FBXW12: variants seen among roughly 807,000 people sequenced by gnomAD.
FBXW12 encodes F-box/WD repeat-containing protein 12.
In FBXW12, 43 loss-of-function variants were observed where a neutral mutation model predicts 55.3. The ratio of observed to expected loss-of-function variants is 0.78; its 90% CI spans 0.61 to 1.00. The LOEUF is 1.00. Ranked by LOEUF, FBXW12 falls within the 50% of genes least tolerant of loss-of-function variation. The pLI is 0.00. For missense variants in FBXW12, 524 were observed against 560.5 expected, an observed-to-expected ratio of 0.93 and a Z score of 0.66; for synonymous variants, 184 against 203.8, an observed-to-expected ratio of 0.90 and a Z score of 0.83.
At chr3:48,393,425 T>C (rs987867800) in intron 10 of FBXW12, among the ~76,000 whole-genome samples, 10 of 152,118 alleles carry the variant, frequency 6.6e-5, no homozygotes, top group Non-Finnish European at 1.0e-4. Flanking sequence ...AAGGCAGGGA[T>C]GGTCAACAGG....
At chr3:48,384,126 G>C (rs1297704067) in intron 10 of FBXW12, among the ~76,000 whole-genome samples, 1 of 152,162 alleles carries the variant, frequency 6.6e-6, no homozygotes, top group Non-Finnish European at 1.5e-5. Flanking sequence ...TAGATGTAGA[G>C]ATTAATTAGG....
chr3:48,388,493 T>C (rs1045665507), intron 10 of FBXW12, among the ~76,000 whole-genome samples: 1 of 152,228 alleles, frequency 6.6e-6, no homozygotes, highest in Non-Finnish European at 1.5e-5. Flanking sequence ...CCTTTTGTTT[T>C]TGTGTAATGT....
At chr3:48,374,764 CTTTTTT>C (rs66751439) in intron 4 of FBXW12, among the ~76,000 whole-genome samples, 1 of 82,678 alleles carries the variant, frequency 1.2e-5, no homozygotes, top group Non-Finnish European at 2.2e-5. Context: ...CCTGATAACA[CTTTTTT>C]TTTTTTTTTT....
chr3:48,394,620 T>C lies in FBXW12; in HGVS notation c.1356T>C (p.Ser452=), dbSNP rs202086669. The C allele has an allele frequency of 2.5e-6, 4 of 1,606,494 alleles. No individual in the cohort carries two copies. Among genetic ancestry groups the C allele is most frequent in the Non-Finnish European group, 3.4e-6 (4 of 1,175,664 alleles). ...ASIVLRVRKV[S]DSSILVMYSL... is the part of the protein sequence containing the mutation. ...TAGTACTTAGGGTGAGGAAAGTAAG[T>C]GACTCCAGCATTCTGGTGATGTATT... Residue 452 remains serine (S), a synonymous_variant, in exon 11 of 11, where the codon AGT becomes AGC. Transcript: ENST00000296438.
Position 48,372,804 on chromosome 3 carries a change from A to G in FBXW12, c.37A>G (p.Ile13Val), listed in dbSNP as rs1230586423. 10 of 1,614,168 alleles carry G rather than the reference A, an allele frequency of 6.2e-6. No individual in the cohort carries two copies. Among genetic ancestry groups the G allele is most frequent in the Non-Finnish European group, 8.5e-6 (10 of 1,180,018 alleles). Residue 13 changes from isoleucine (I) to valine (V), a missense_variant, in exon 2 of 11, where the codon ATC becomes GTC. Ile to Val is a conservative substitution (Grantham distance 29). Transcript: ENST00000296438. Reference sequence around the variant, plus strand: ...ATTGCCTGACTTAGCTTTGAAGCGAATCTTCTCTTTCCTGGACCTGTTCGG... The same window carrying G: ...ATTGCCTGACTTAGCTTTGAAGCGAGTCTTCTCTTTCCTGGACCTGTTCGG... ...IRLPDLALKR[I>V]FSFLDLFGLL...
chr3:48,373,275 T>G, intron 2 of FBXW12, 33 bp from the exon 3 acceptor site: 4 of 1,614,128 alleles, frequency 2.5e-6, no homozygotes, highest in Non-Finnish European at 3.4e-6. Flanking sequence ...ATGTAACTGA[T>G]TGCCTGCTTG....
chr3:48,375,819 C>G (rs950230631), intron 5 of FBXW12, among the ~76,000 whole-genome samples: 1 of 151,794 alleles, frequency 6.6e-6, no homozygotes, highest in Admixed American at 6.6e-5. Flanking sequence ...GGACTACAGG[C>G]GCCCGCCACC....
chr3:48,378,696 C>T (rs2036721731), intron 6 of FBXW12, among the ~76,000 whole-genome samples, 170 bp downstream of exon 6: 1 of 149,164 alleles, frequency 6.7e-6, no homozygotes, highest in Non-Finnish European at 1.5e-5. Flanking sequence ...CTCACTGCAA[C>T]CTCTGCCTGC....
intron 10 of FBXW12, among the ~76,000 whole-genome samples, chr3:48,384,485 A>G (rs2036818033): frequency 6.6e-6 from 1 of 152,166 alleles, no homozygotes; most frequent in Admixed American, 6.5e-5. Flanking sequence ...GTCGTCTGTC[A>G]AACAGTTTTC....
chr3:48,385,735 G>A (rs2106646302), intron 10 of FBXW12, among the ~76,000 whole-genome samples: 1 of 152,164 alleles, frequency 6.6e-6, no homozygotes, highest in South Asian at 2.1e-4. Context: ...CTCTAATGAG[G>A]TGGTATCTCA....
chr3:48,373,170 C>T, intron 2 of FBXW12, 138 bp from the exon 3 acceptor site: 2 of 1,294,432 alleles, frequency 1.5e-6, no homozygotes, highest in Non-Finnish European at 2.2e-6. Flanking sequence ...TCTCCCCACA[C>T]TGAGAGTGCT....
chr3:48,378,572 G>GACAAGACAACAGGCAT, intron 6 of FBXW12, 46 bp downstream of exon 6: 10 of 1,443,558 alleles, frequency 6.9e-6, no homozygotes, highest in Non-Finnish European at 9.7e-6. Context: ...TCAAATGCCT[G>GACAAGACAACAGGCAT]TTGTCTTGTC....
In FBXW12 at chr3:48,380,780, G is replaced by T. The variant is rs757805004; in HGVS notation, c.853G>T (p.Ala285Ser). Reference protein sequence around the residue: ...LSTFLPHKLCASACWTPKVKN... With the variant: ...LSTFLPHKLCSSACWTPKVKN... ...TACCTTTCTCCCACATAAATTATGT[G>T]CCAGCGCCTGCTGGACCCCAAAGGT... Residue 285 changes from alanine to serine, a missense_variant, in exon 8 of 11, where the codon GCC becomes TCC. Coordinates refer to ENST00000296438, the MANE Select transcript of FBXW12 (RefSeq NM_207102.2). 28 of 1,614,116 alleles carry T rather than the reference G, an allele frequency of 1.7e-5. No individual in the cohort carries two copies. The East Asian group carries it at 6.2e-4, about 36-fold the overall frequency.
intron 3 of FBXW12, 31 bp from the exon 4 acceptor site, chr3:48,373,517 C>G (rs4858793): frequency 0.55 from 880,238 of 1,606,238 alleles, 243,096 homozygotes; most frequent in South Asian, 0.67. Flanking sequence ...TGACTGAGAA[C>G]AGCCTGATGG....
At chr3:48,373,455 A>G in intron 3 of FBXW12, 93 bp from the exon 4 acceptor site, 2 of 1,605,290 alleles carry the variant, frequency 1.2e-6, no homozygotes, top group Admixed American at 3.3e-5. Context: ...TACACAGGAA[A>G]GTTAGTGTGA....
intron 8 of FBXW12, 71 bp from the exon 9 acceptor site, chr3:48,381,629 A>T: frequency 2.1e-6 from 3 of 1,448,904 alleles, no homozygotes; most frequent in Non-Finnish European, 2.8e-6. Flanking sequence ...TGAGGATATT[A>T]TTATTCAATG....
intron 10 of FBXW12, among the ~76,000 whole-genome samples, chr3:48,393,392 G>A (rs1312100573): frequency 6.6e-6 from 1 of 152,132 alleles, no homozygotes; most frequent in Non-Finnish European, 1.5e-5. Flanking sequence ...GGGGAGAAGT[G>A]TCACCTTTAC....
intron 7 of FBXW12, chr3:48,380,133 TAAAAAA>T (rs530803807): frequency 1.4e-5 from 2 of 141,694 alleles, no homozygotes; most frequent in African/African-American, 5.3e-5. Context: ...CCCTACCTCT[TAAAAAA>T]AAAAAAAAAT....
At position 48,372,336 on chromosome 3, in the gene FBXW12, G is replaced by C; in HGVS notation, c.-85+16G>C. The C allele has an allele frequency of 1.3e-6, 2 of 1,552,124 alleles. No homozygotes were observed. The highest frequency in any genetic ancestry group is 4.9e-5 in the East Asian group (2 of 40,926). On this transcript the variant is annotated intron_variant, in intron 1 of 10. Transcript: ENST00000296438. ...AGATCCCAAGGTAGGCACAGACACA[G>C]GGCAAGCAGACTCCAATTCCAGGAG...
Sources: gnomAD v4.1 joint callset for allele counts (sites outside exome capture counted in the v4.1 genomes callset) on GRCh38, gnomAD v4.1.1 for gene constraint, MANE v1.5 for transcripts, NCBI Gene and HGNC (gene_info 2026-07-23, HGNC 2026-07-21) for gene names.